The following ZNF560 variants were observed in gnomAD, a reference collection of about 807,000 sequenced individuals.
ZNF560 encodes zinc finger protein 560.
In ZNF560, 54 loss-of-function variants were observed where a neutral mutation model predicts 81.8. The ratio of observed to expected loss-of-function variants is 0.66; its 90% CI spans 0.53 to 0.83. ZNF560 has a LOEUF of 0.83. ZNF560 is among the 40% of genes least tolerant of loss of function. The pLI is 0.00. For missense variants in ZNF560, 940 were observed against 932.4 expected, an observed-to-expected ratio of 1.01 and a Z score of -0.11; for synonymous variants, 321 against 317.9, an observed-to-expected ratio of 1.01 and a Z score of -0.10.
At chr19:9,472,192 G>A (rs530860412) in intron 5 of ZNF560, among the ~76,000 whole-genome samples, 5 of 152,170 alleles carry the variant, frequency 3.3e-5, no homozygotes, top group Non-Finnish European at 7.4e-5. Flanking sequence ...GAAATGCAAC[G>A]CCAAATACTG....
downstream of ZNF560, among the ~76,000 whole-genome samples, chr19:9,463,919 G>C (rs1420078567): frequency 1.3e-5 from 2 of 152,194 alleles, no homozygotes; most frequent in Non-Finnish European, 2.9e-5. Context: ...CTGAGCCCAA[G>C]TGATCCGCCT....
chr19:9,460,506 C>T, the ZNF560 span, among the ~76,000 whole-genome samples: 1 of 152,180 alleles, frequency 6.6e-6, no homozygotes, highest in African/African-American at 2.4e-5. Flanking sequence ...AATAATAGCT[C>T]TTGGATGCCT....
intron 2 of ZNF560, among the ~76,000 whole-genome samples, chr19:9,486,942 G>A (rs921480375): frequency 6.6e-6 from 1 of 152,146 alleles, no homozygotes; most frequent in African/African-American, 2.4e-5. Context: ...CCATGTCCCA[G>A]CTCACAGCTT....
chr19:9,489,426 C>T (rs1599677385), intron 2 of ZNF560, among the ~76,000 whole-genome samples: 2 of 151,596 alleles, frequency 1.3e-5, no homozygotes, highest in African/African-American at 4.8e-5. Flanking sequence ...CAGAGGCGCT[C>T]CTCACTTCCC....
chr19:9,480,516 T>C (rs1599665357), intron 2 of ZNF560, among the ~76,000 whole-genome samples: 1 of 151,930 alleles, frequency 6.6e-6, no homozygotes, highest in Non-Finnish European at 1.5e-5. Context: ...AGCTGAAAGT[T>C]AGTAGAAGGA....
chr19:9,485,019 C>T (rs2073362879), intron 2 of ZNF560, among the ~76,000 whole-genome samples: 1 of 152,096 alleles, frequency 6.6e-6, no homozygotes, highest in Non-Finnish European at 1.5e-5. Context: ...TAGACACACA[C>T]AACCTACCAA....
chr19:9,477,249 T>C (rs545836110), intron 2 of ZNF560, among the ~76,000 whole-genome samples: 1 of 152,266 alleles, frequency 6.6e-6, no homozygotes, highest in East Asian at 1.9e-4. Flanking sequence ...ATCTGAACAA[T>C]ATCCCTATTT....
intron 2 of ZNF560, among the ~76,000 whole-genome samples, chr19:9,493,224 A>G (rs1397837493): frequency 2.7e-5 from 4 of 145,540 alleles, no homozygotes; most frequent in Non-Finnish European, 6.0e-5. Flanking sequence ...TCACTCCATC[A>G]GGTACAGAGC....
At chr19:9,450,421 G>T in the ZNF560 span, among the ~76,000 whole-genome samples, 1 of 152,178 alleles carries the variant, frequency 6.6e-6, no homozygotes, top group African/African-American at 2.4e-5. Flanking sequence ...CTTCACTGAT[G>T]ATATGAGTCT....
intron 2 of ZNF560, among the ~76,000 whole-genome samples, chr19:9,492,685 C>G (rs2073491182): frequency 6.6e-6 from 1 of 152,182 alleles, no homozygotes; most frequent in Non-Finnish European, 1.5e-5. Context: ...AACTGGGAGA[C>G]AACCTCTGAA....
At position 9,467,318 on chromosome 19, in the gene ZNF560, G is replaced by A. The variant is rs761485013; in HGVS notation, c.1629C>T (p.Leu543=). ...IHMRTHTEER[L]YQCKKCGKAF... Reference sequence around the variant, plus strand: ...CTTTACCACATTTCTTACATTGATAGAGTCTCTCTTCTGTGTGAGTTCGCA... The same window carrying A: ...CTTTACCACATTTCTTACATTGATAAAGTCTCTCTTCTGTGTGAGTTCGCA... Residue 543 remains leucine, a synonymous_variant, in exon 10 of 10, where the codon CTC becomes CTT. Coordinates refer to ENST00000301480, the MANE Select transcript of ZNF560 (RefSeq NM_152476.3). 2 of 1,613,998 alleles carry A rather than the reference G, an allele frequency of 1.2e-6. No individual in the cohort carries two copies. The highest frequency in any genetic ancestry group is 1.7e-6 in the Non-Finnish European group (2 of 1,180,008).
chr19:9,474,958 C>G (rs2073178088), intron 3 of ZNF560, among the ~76,000 whole-genome samples: 1 of 151,182 alleles, frequency 6.6e-6, no homozygotes, highest in Non-Finnish European at 1.5e-5. Flanking sequence ...CAAGTGTGAG[C>G]CACTGCACCT....
chr19:9,454,217 G>A, the ZNF560 span, among the ~76,000 whole-genome samples: 48 of 152,294 alleles, frequency 3.2e-4, 1 homozygote, highest in Admixed American at 2.2e-3. Context: ...CTGCAGAAAC[G>A]ATGTTTATCA....
At chr19:9,465,398 A>G (rs1180182577), downstream of ZNF560, among the ~76,000 whole-genome samples, 5 of 152,294 alleles carry the variant, frequency 3.3e-5, no homozygotes, top group Non-Finnish European at 7.3e-5. Context: ...TCAGCCTTCC[A>G]AAGTGCTGAG....
intron 2 of ZNF560, among the ~76,000 whole-genome samples, chr19:9,492,588 G>T (rs1487576165): frequency 6.6e-6 from 1 of 152,206 alleles, no homozygotes; most frequent in Non-Finnish European, 1.5e-5. Flanking sequence ...CCTCTCATCA[G>T]CTGGTCTCAT....
intron 2 of ZNF560, 22 bp from the exon 3 acceptor site, chr19:9,475,391 A>C (rs1275081705): frequency 6.3e-6 from 9 of 1,426,858 alleles, no homozygotes; most frequent in Non-Finnish European, 7.9e-6. Flanking sequence ...AGAAGGCATA[A>C]GAGCCCAGAC....
chr19:9,466,354 A>AG (rs1263640774), downstream of ZNF560, among the ~76,000 whole-genome samples: 9 of 149,850 alleles, frequency 6.0e-5, no homozygotes, highest in South Asian at 2.2e-4. Context: ...AAAAAAAAAA[A>AG]AGAGAGAGAG....
chr19:9,458,719 A>T, the ZNF560 span, among the ~76,000 whole-genome samples: 1 of 152,220 alleles, frequency 6.6e-6, no homozygotes, highest in Non-Finnish European at 1.5e-5. Context: ...GCAATATCTA[A>T]TGCTAGACAA....
rs948483694 is a variant in ZNF560, at chr19:9,480,652, A to C, written c.-56-5283T>G. 1.2e-4 allele frequency among the ~76,000 whole-genome samples: 18 copies of C among 152,162 alleles called. No individual in the cohort carries two copies. In the East Asian group the frequency reaches 3.3e-3, roughly 28 times the overall value. Reference sequence around the variant, plus strand: ...GATAGATCAAGGGGTGAAGAGAAAAAAAAAAAGCCGGGCACAGTGGTTCAC... The same window carrying C: ...GATAGATCAAGGGGTGAAGAGAAAACAAAAAAGCCGGGCACAGTGGTTCAC... On this transcript the variant is annotated intron_variant, in intron 2 of 9. Coordinates refer to ENST00000301480, the MANE Select transcript of ZNF560 (RefSeq NM_152476.3).
Sources: allele counts gnomAD v4.1 joint callset (sites outside exome capture counted in the v4.1 genomes callset), GRCh38; gene constraint gnomAD v4.1.1; transcripts MANE v1.5; gene names NCBI Gene and HGNC (gene_info 2026-07-23, HGNC 2026-07-21).